SNRPN: variants seen among roughly 807,000 people sequenced by gnomAD.
The protein encoded by SNRPN is small nuclear ribonucleoprotein polypeptide N.
A neutral mutation model predicts 25.2 loss-of-function variants in SNRPN; 7 were observed. That is an observed-to-expected ratio of 0.28 (90% CI 0.16 to 0.52). SNRPN has a LOEUF of 0.52. SNRPN is among the 20% of genes least tolerant of loss of function. SNRPN has a pLI of 0.96. For missense variants in SNRPN, 196 were observed against 322.5 expected, an observed-to-expected ratio of 0.61 and a Z score of 3.00; for synonymous variants, 124 against 110.6, an observed-to-expected ratio of 1.12 and a Z score of -0.76.
chr15:24,896,554 A>G (rs1427887130), intron 2 of SNRPN, among the ~76,000 whole-genome samples: 1 of 152,020 alleles, frequency 6.6e-6, no homozygotes, highest in East Asian at 1.9e-4. Context: ...TCTACTAAAA[A>G]TACAAAAAAA....
intron 3 of SNRPN, among the ~76,000 whole-genome samples, chr15:24,970,543 C>G (rs1424564825): frequency 6.6e-6 from 1 of 152,104 alleles, no homozygotes; most frequent in Admixed American, 6.5e-5. Context: ...TGTGCCACTG[C>G]GCTTCAGCCT....
At chr15:24,831,622 A>G (rs1245553763) in intron 2 of SNRPN, among the ~76,000 whole-genome samples, 2 of 151,848 alleles carry the variant, frequency 1.3e-5, no homozygotes, top group African/African-American at 4.9e-5. Context: ...TCATCTACCC[A>G]TCCTCATCCC....
chr15:24,954,472 G>A (rs548080091), upstream of SNRPN, among the ~76,000 whole-genome samples: 4 of 152,178 alleles, frequency 2.6e-5, no homozygotes, highest in Non-Finnish European at 4.4e-5. Context: ...AATGTAGAAA[G>A]TAGAAAAAGG....
chr15:24,902,309 A>T (rs2058510523), intron 2 of SNRPN, among the ~76,000 whole-genome samples: 1 of 152,222 alleles, frequency 6.6e-6, no homozygotes, highest in Non-Finnish European at 1.5e-5. Flanking sequence ...TCAGATGTAT[A>T]GGAATGTAGT....
chr15:24,913,597 G>A (rs1313025045), intron 2 of SNRPN, among the ~76,000 whole-genome samples: 1 of 152,054 alleles, frequency 6.6e-6, no homozygotes, highest in Non-Finnish European at 1.5e-5. Flanking sequence ...AGTGAGCCAA[G>A]ATCACGCCAC....
intron 2 of SNRPN, among the ~76,000 whole-genome samples, chr15:24,910,088 A>C (rs570173834): frequency 6.6e-6 from 1 of 152,286 alleles, no homozygotes; most frequent in East Asian, 1.9e-4. Context: ...TAGAATTATA[A>C]TAGAGGGTCA....
intron 1 of SNRPN, among the ~76,000 whole-genome samples, chr15:24,865,267 G>A (rs1020341315): frequency 2.6e-5 from 4 of 151,938 alleles, no homozygotes; most frequent in Non-Finnish European, 5.9e-5. Context: ...GGCTGGTCTT[G>A]AACTCCTGAC....
intron 3 of SNRPN, among the ~76,000 whole-genome samples, chr15:24,973,239 A>G (rs2153662470): frequency 6.6e-6 from 1 of 152,178 alleles, no homozygotes; most frequent in East Asian, 1.9e-4. Flanking sequence ...GCAGGATAGT[A>G]ACATGATATA....
chr15:24,953,646 C>T (rs1050021844), upstream of SNRPN, among the ~76,000 whole-genome samples: 19 of 152,112 alleles, frequency 1.2e-4, no homozygotes, highest in African/African-American at 4.6e-4. Context: ...GATTGACTCC[C>T]GTGATCAGAG....
chr15:24,974,448 G>A lies in SNRPN; in HGVS notation c.-6G>A, dbSNP rs914976868. 4.3e-6 allele frequency: 7 copies of A among 1,613,486 alleles called. No individual in the cohort carries two copies. Among genetic ancestry groups the A allele is most frequent in the African/African-American group, 1.3e-5 (1 of 74,870 alleles). ...TGTGGACATTGGATTTGGTGGAACA[G>A]CAATCATGGTAAGCTGTATGATAAG... On this transcript the variant is annotated 5_prime_UTR_variant, in exon 4 of 10. Coordinates refer to ENST00000390687, the MANE Select transcript of SNRPN (RefSeq NM_003097.6).
chr15:24,937,577 T>C (rs2061314474), intron 3 of SNRPN, among the ~76,000 whole-genome samples: 1 of 152,226 alleles, frequency 6.6e-6, no homozygotes, highest in Admixed American at 6.5e-5. Flanking sequence ...CATGTGAATC[T>C]AGTGTATTTG....
At chr15:24,887,395 G>C (rs998963070) in intron 2 of SNRPN, among the ~76,000 whole-genome samples, 4 of 151,908 alleles carry the variant, frequency 2.6e-5, no homozygotes, top group Non-Finnish European at 5.9e-5. Flanking sequence ...TTATCCTCCG[G>C]CCTCGGCCTC....
At chr15:24,914,386 A>G (rs1415180900) in intron 2 of SNRPN, among the ~76,000 whole-genome samples, 2 of 152,000 alleles carry the variant, frequency 1.3e-5, no homozygotes, top group Admixed American at 1.3e-4. Flanking sequence ...CCAGCTTCAA[A>G]CTATACTCTG....
intron 2 of SNRPN, among the ~76,000 whole-genome samples, chr15:24,834,461 AT>A (rs962004071): frequency 3.3e-5 from 5 of 152,024 alleles, no homozygotes; most frequent in African/African-American, 1.2e-4. Flanking sequence ...CAGACAGCAA[AT>A]CAATCCTTAT....
intron 4 of SNRPN, chr15:24,974,791 T>C: frequency 4.7e-6 from 3 of 632,510 alleles, no homozygotes; most frequent in Non-Finnish European, 8.5e-6. Context: ...GCTCCTGACC[T>C]CTGGTGATCC....
chr15:24,859,173 T>C (rs1367826627), intron 1 of SNRPN, among the ~76,000 whole-genome samples: 2 of 152,188 alleles, frequency 1.3e-5, no homozygotes, highest in Non-Finnish European at 2.9e-5. Context: ...TGCCCCTTTG[T>C]TCTGGTGTGC....
At chr15:24,919,111 GTTTAT>G (rs1428053557) in intron 2 of SNRPN, among the ~76,000 whole-genome samples, 2 of 148,504 alleles carry the variant, frequency 1.3e-5, no homozygotes, top group East Asian at 3.9e-4. Flanking sequence ...TAGCCGTTTG[GTTTAT>G]TTTATGTGTG....
intron 2 of SNRPN, among the ~76,000 whole-genome samples, chr15:24,896,757 A>C (rs2058105307): frequency 6.6e-6 from 1 of 152,064 alleles, no homozygotes; most frequent in South Asian, 2.1e-4. Flanking sequence ...CAGGGAAAAT[A>C]GAAAAGACTC....
chr15:24,977,282 A>G (rs1329662456), intron 7 of SNRPN, among the ~76,000 whole-genome samples: 1 of 152,180 alleles, frequency 6.6e-6, no homozygotes, highest in Non-Finnish European at 1.5e-5. Context: ...GAATGCATGG[A>G]TATACCACAG....
Sources: allele counts gnomAD v4.1 joint callset (sites outside exome capture counted in the v4.1 genomes callset), GRCh38; gene constraint gnomAD v4.1.1; transcripts MANE v1.5; gene names NCBI Gene and HGNC (gene_info 2026-07-23, HGNC 2026-07-21).